Variants in PCSK2 observed in about 807,000 individuals in gnomAD.
PCSK2 encodes the protein neuroendocrine convertase 2.
In PCSK2, 14 loss-of-function variants were observed where a neutral mutation model predicts 69.7. That is an observed-to-expected ratio of 0.20 (90% confidence interval 0.13 to 0.31). The LOEUF (loss-of-function observed/expected upper bound fraction) is 0.31. PCSK2 is among the 10% of genes least tolerant of loss of function. PCSK2 has a pLI of 1.00. For missense variants in PCSK2, 544 were observed against 842.5 expected (o/e 0.65, Z 4.39); for synonymous variants, 307 against 320.7 (o/e 0.96, Z 0.46).
chr20:17,406,461 T>G (rs913256389), intron 5 of PCSK2, among the ~76,000 whole-genome samples: 6 of 152,186 alleles, frequency 3.9e-5, no homozygotes, highest in Admixed American at 6.5e-5. Context: ...TCCTGAGTTA[T>G]CATCCATTTC....
intron 2 of PCSK2, among the ~76,000 whole-genome samples, chr20:17,350,721 C>A (rs1003839140): frequency 6.6e-6 from 1 of 152,030 alleles, no homozygotes; most frequent in Non-Finnish European, 1.5e-5. Flanking sequence ...TTTCCTCAAC[C>A]GTAACAATAC....
chr20:17,268,805 C>T (rs6044714), intron 2 of PCSK2, among the ~76,000 whole-genome samples: 46,811 of 152,018 alleles, frequency 0.31, 7,873 homozygotes, highest in Middle Eastern at 0.46. Context: ...CCATGCAAGG[C>T]GATTGCAATA....
rs1270506807 is a variant in PCSK2 at position 17,337,528 on chromosome 20, T to TA, written c.283-20795dup. 6.8e-4 allele frequency among the ~76,000 whole-genome samples: 104 copies of TA among 152,220 alleles called. 1 individual carries two copies. Among genetic ancestry groups the TA allele is most frequent in the African/African-American group, 2.4e-3 (100 of 41,560 alleles). ...AGCAAATTTACTGCAAACCAGAAAA[T>TA]AAAATTGGCTTTTCTATCCAAGAAG... On this transcript the variant is annotated intron_variant, in intron 2 of 11. Coordinates refer to ENST00000262545, the MANE Select transcript of PCSK2 (RefSeq NM_002594.5).
chr20:17,409,287 A>G lies in PCSK2; in HGVS notation c.568A>G (p.Ser190Gly). 6.2e-7 allele frequency: 1 copy of G among 1,613,944 alleles called. No homozygotes were observed. The highest frequency in any genetic ancestry group is 8.5e-7 in the Non-Finnish European group (1 of 1,179,836). Residue 190 changes from serine (S) to glycine (G), a missense_variant, in exon 6 of 12, where the codon AGC becomes GGC. Ser to Gly is a moderately conservative substitution (Grantham distance 56, BLOSUM62 0). Around this residue, in one of 3 missense-constraint regions of PCSK2, gnomAD observed 187 missense variants for 399.8 expected, o/e 0.47. Transcript: ENST00000262545. ...GAATGCCGAAGCAAGTTACGACTTC[A>G]GCAGCAACGACCCCTATCCTTACCC... ...NYNAEASYDF[S>G]SNDPYPYPRY...
intron 1 of PCSK2, among the ~76,000 whole-genome samples, chr20:17,238,864 T>G (rs1986443233): frequency 6.6e-6 from 1 of 152,188 alleles, no homozygotes; most frequent in South Asian, 2.1e-4. Context: ...AATTTATACT[T>G]CCTTGACTAC....
chr20:17,406,053 A>C (rs1384956100), intron 5 of PCSK2, among the ~76,000 whole-genome samples: 1 of 152,208 alleles, frequency 6.6e-6, no homozygotes, highest in African/African-American at 2.4e-5. Flanking sequence ...AAGTTAGAGA[A>C]GTCCAAACAA....
chr20:17,398,927 C>T (rs886326137), intron 5 of PCSK2, among the ~76,000 whole-genome samples: 5 of 152,052 alleles, frequency 3.3e-5, no homozygotes, highest in African/African-American at 1.2e-4. Context: ...TTAAAAATTC[C>T]ATAATATATG....
chr20:17,341,107 G>T (rs1337384947), intron 2 of PCSK2, among the ~76,000 whole-genome samples: 3 of 152,164 alleles, frequency 2.0e-5, no homozygotes, highest in African/African-American at 7.2e-5. Context: ...GGGCATGGTG[G>T]TGCATGCCTG....
chr20:17,336,330 A>G (rs2424078), intron 2 of PCSK2, among the ~76,000 whole-genome samples: 92,376 of 151,954 alleles, frequency 0.61, 29,257 homozygotes, highest in East Asian at 0.97. Context: ...CTAGTCACTC[A>G]AACCCAGGCT....
At chr20:17,414,255 T>G (rs1385575175) in intron 6 of PCSK2, among the ~76,000 whole-genome samples, 1 of 152,162 alleles carries the variant, frequency 6.6e-6, no homozygotes, top group Non-Finnish European at 1.5e-5. Flanking sequence ...AGCTGGTTTT[T>G]TGAAAAGATC....
At chr20:17,431,404 G>A (rs938052903) in intron 7 of PCSK2, among the ~76,000 whole-genome samples, 7 of 152,214 alleles carry the variant, frequency 4.6e-5, no homozygotes, top group Non-Finnish European at 8.8e-5. Flanking sequence ...AAGCCAGGGA[G>A]CAGGCCAGAG....
intron 9 of PCSK2, 120 bp downstream of exon 9, chr20:17,454,077 C>T (rs2032876159): frequency 2.2e-6 from 3 of 1,394,634 alleles, no homozygotes; most frequent in East Asian, 5.0e-5. Context: ...TGAACTAAGG[C>T]TCTGAAGGGA....
intron 2 of PCSK2, among the ~76,000 whole-genome samples, chr20:17,286,139 C>T (rs575179466): frequency 5.9e-4 from 90 of 152,290 alleles, no homozygotes; most frequent in African/African-American, 2.1e-3. Context: ...CTGGATTGTT[C>T]TTGTTTTCTC....
At chr20:17,409,576 A>C (rs1047797306) in intron 6 of PCSK2, among the ~76,000 whole-genome samples, 9 of 152,222 alleles carry the variant, frequency 5.9e-5, no homozygotes, top group Non-Finnish European at 8.8e-5. Context: ...TTGCTACTTT[A>C]ATCCATTAAA....
rs2123170285 is a variant in PCSK2, at chr20:17,340,064, C to G, written c.283-18263C>G. Among the ~76,000 whole-genome samples, 5 of 152,324 alleles carry G rather than the reference C, an allele frequency of 3.3e-5. No individual in the cohort carries two copies. The Middle Eastern group carries it at 0.01, about 311-fold the overall frequency. On this transcript the variant is annotated intron_variant, in intron 2 of 11. Coordinates refer to ENST00000262545, the MANE Select transcript of PCSK2 (RefSeq NM_002594.5). ...TAAATTCCTAAGCATGGGGTCTACC[C>G]CAAATGCTGGCATCACTAAGAACAA...
Position 17,436,688 on chromosome 20 carries a change from T to C in PCSK2, c.710-20T>C. Reference sequence around the variant, plus strand: ...ACTGGGGAACCCAAACATGGTGTCCTCTGCTCAACGTGTCCACAGGCATCC... The same window carrying C: ...ACTGGGGAACCCAAACATGGTGTCCCCTGCTCAACGTGTCCACAGGCATCC... On this transcript the variant is annotated intron_variant, in intron 7 of 11. Coordinates refer to ENST00000262545, the MANE Select transcript of PCSK2 (RefSeq NM_002594.5). 1 of 1,601,130 alleles carries C rather than the reference T, an allele frequency of 6.2e-7. No homozygotes were observed. The highest frequency in any genetic ancestry group is 8.5e-7 in the Non-Finnish European group (1 of 1,172,742).
intron 2 of PCSK2, among the ~76,000 whole-genome samples, chr20:17,309,347 T>A (rs912941071): frequency 4.6e-5 from 7 of 152,200 alleles, no homozygotes. Flanking sequence ...CTTACTGTGT[T>A]CCAGAAAGTT....
At position 17,227,053 on chromosome 20, in the gene PCSK2, G is replaced by C. The variant is rs1341634394; in HGVS notation, c.-253G>C. The C allele has an allele frequency of 1.0e-5, 5 of 491,886 alleles. No homozygotes were observed. The highest frequency in any genetic ancestry group is 3.6e-5 in the Admixed American group (1 of 28,124). The allele number at this position is 491,886 out of a possible 1,614,324, so 30.5% of individuals were successfully genotyped here. ...AGACCTACACTCGCTCTTTCTCTCC[G>C]GTACACACAGCTCCCCACATTCGCA... On this transcript the variant is annotated 5_prime_UTR_variant, in exon 1 of 12. Coordinates refer to ENST00000262545, the MANE Select transcript of PCSK2 (RefSeq NM_002594.5).
intron 2 of PCSK2, among the ~76,000 whole-genome samples, chr20:17,296,533 C>G (rs906920334): frequency 6.6e-6 from 1 of 152,124 alleles, no homozygotes; most frequent in Admixed American, 6.6e-5. Context: ...TCCAACCTGG[C>G]CTGTCAAACT....
Sources: gnomAD v4.1 joint callset for allele counts (sites outside exome capture counted in the v4.1 genomes callset) on GRCh38, gnomAD v4.1.1 for gene constraint, gnomAD v4.1.1 regional missense constraint, MANE v1.5 for transcripts, NCBI Gene and HGNC (gene_info 2026-07-23, HGNC 2026-07-21) for gene names.